The following TMEM178B variants were observed in gnomAD, a reference collection of about 807,000 sequenced individuals.
The protein encoded by TMEM178B is transmembrane protein 178B.
TMEM178B carries 5 observed loss-of-function variants against 31.0 expected under a neutral mutation model. The observed-to-expected ratio is 0.16, with a 90% CI of 0.08 to 0.34. The LOEUF is 0.34. TMEM178B is among the 10% of genes least tolerant of loss of function. The pLI is 1.00. For missense variants in TMEM178B, 275 were observed against 400.3 expected (o/e 0.69, Z 2.67); for synonymous variants, 164 against 164.0 (o/e 1.00, Z 0.00).
chr7:141,501,363 C>T, the TMEM178B span, among the ~76,000 whole-genome samples: 1 of 151,706 alleles, frequency 6.6e-6, no homozygotes, highest in East Asian at 1.9e-4. Context: ...GCACGTACTA[C>T]CACCAAGAAC....
chr7:141,085,527 GGTCATC>G (rs373514070), intron 1 of TMEM178B, among the ~76,000 whole-genome samples: 1,339 of 104,516 alleles, frequency 0.013, 18 homozygotes, highest in African/African-American at 0.035. Context: ...CTTTATATTA[GGTCATC>G]GTCATGCATT....
chr7:141,220,613 G>A (rs1797242843), intron 2 of TMEM178B, among the ~76,000 whole-genome samples: 2 of 152,234 alleles, frequency 1.3e-5, no homozygotes, highest in South Asian at 4.1e-4. Context: ...CAAAACCTAA[G>A]AACCACTGTG....
intron 1 of TMEM178B, among the ~76,000 whole-genome samples, chr7:141,137,253 C>T (rs1321140836): frequency 6.6e-6 from 1 of 152,132 alleles, no homozygotes; most frequent in South Asian, 2.1e-4. Flanking sequence ...CAAAGGGATA[C>T]CTGCACCCCT....
intron 3 of TMEM178B, among the ~76,000 whole-genome samples, chr7:141,439,013 A>G (rs555824016): frequency 6.6e-6 from 1 of 152,288 alleles, no homozygotes; most frequent in Admixed American, 6.5e-5. Context: ...GTGAGCCACC[A>G]GGCTCTGGGT....
At chr7:141,263,795 A>G (rs1487718183) in intron 2 of TMEM178B, among the ~76,000 whole-genome samples, 4 of 152,172 alleles carry the variant, frequency 2.6e-5, no homozygotes, top group Non-Finnish European at 4.4e-5. Flanking sequence ...CTCTGACACC[A>G]ATTGTAGATT....
At chr7:141,408,075 T>G (rs770493520) in intron 2 of TMEM178B, among the ~76,000 whole-genome samples, 1 of 152,200 alleles carries the variant, frequency 6.6e-6, no homozygotes, top group Non-Finnish European at 1.5e-5. Flanking sequence ...CCCTGCATTT[T>G]CTGACACTGA....
At chr7:141,314,058 G>T (rs1048496247) in intron 2 of TMEM178B, among the ~76,000 whole-genome samples, 7 of 152,212 alleles carry the variant, frequency 4.6e-5, no homozygotes, top group African/African-American at 7.2e-5. Flanking sequence ...AGCCGTTTCA[G>T]CCTCTGCCTC....
intron 2 of TMEM178B, among the ~76,000 whole-genome samples, chr7:141,361,973 C>T (rs914821594): frequency 6.6e-6 from 1 of 152,214 alleles, no homozygotes; most frequent in African/African-American, 2.4e-5. Context: ...TTCAAACTCA[C>T]CCTTCTTGGA....
chr7:141,267,294 C>T (rs933650702), intron 2 of TMEM178B, among the ~76,000 whole-genome samples: 2 of 152,190 alleles, frequency 1.3e-5, no homozygotes, highest in African/African-American at 4.8e-5. Flanking sequence ...TTGTTAAATT[C>T]GTTCTCACTA....
At chr7:141,407,065 A>G (rs1800897647) in intron 2 of TMEM178B, among the ~76,000 whole-genome samples, 1 of 152,250 alleles carries the variant, frequency 6.6e-6, no homozygotes, top group South Asian at 2.1e-4. Flanking sequence ...CCAGTCCCAT[A>G]CAGGAATACC....
intron 2 of TMEM178B, among the ~76,000 whole-genome samples, chr7:141,247,988 T>G (rs1036021654): frequency 1.3e-5 from 2 of 152,002 alleles, no homozygotes; most frequent in Non-Finnish European, 2.9e-5. Context: ...CCCTGTCACG[T>G]GTCACTCAAT....
the TMEM178B span, among the ~76,000 whole-genome samples, chr7:141,506,320 C>T: frequency 6.6e-5 from 10 of 152,242 alleles, no homozygotes; most frequent in African/African-American, 1.4e-4. Flanking sequence ...TGTTTTCACA[C>T]TGCTAATAAA....
At chr7:141,405,020 C>A (rs900804643) in intron 2 of TMEM178B, among the ~76,000 whole-genome samples, 1 of 152,222 alleles carries the variant, frequency 6.6e-6, no homozygotes, top group Non-Finnish European at 1.5e-5. Context: ...TTAGGCCCTA[C>A]CCTCTCTCTC....
intron 2 of TMEM178B, among the ~76,000 whole-genome samples, chr7:141,287,015 G>A (rs548721381): frequency 6.6e-6 from 1 of 152,198 alleles, no homozygotes; most frequent in African/African-American, 2.4e-5. Context: ...AGGATCCTTG[G>A]GAGAAGTCTC....
chr7:141,183,366 T>G (rs887500507), intron 1 of TMEM178B, among the ~76,000 whole-genome samples: 7 of 152,188 alleles, frequency 4.6e-5, no homozygotes, highest in Admixed American at 4.6e-4. Flanking sequence ...GGAAATTAAT[T>G]TGGTAAGTGG....
chr7:141,228,389 C>CT (rs548815227), intron 2 of TMEM178B, among the ~76,000 whole-genome samples: 47 of 144,384 alleles, frequency 3.3e-4, no homozygotes, highest in Admixed American at 3.5e-4. Context: ...TTTCTTCTTT[C>CT]TTTTTTTTTT....
intron 3 of TMEM178B, among the ~76,000 whole-genome samples, chr7:141,458,659 C>T (rs1004046680): frequency 6.6e-6 from 1 of 152,104 alleles, no homozygotes; most frequent in African/African-American, 2.4e-5. Flanking sequence ...TCTTCAATCT[C>T]ACTTAAAGCT....
intron 2 of TMEM178B, among the ~76,000 whole-genome samples, chr7:141,313,150 G>C (rs575394381): frequency 3.7e-4 from 56 of 152,276 alleles, no homozygotes; most frequent in African/African-American, 1.3e-3. Context: ...TGGAGTCACT[G>C]TTTTAAAAAT....
At chr7:141,286,155 G>A (rs926310211) in intron 2 of TMEM178B, among the ~76,000 whole-genome samples, 6 of 151,894 alleles carry the variant, frequency 4.0e-5, no homozygotes, top group African/African-American at 9.7e-5. Context: ...TAAATCAAAC[G>A]ACTTACATCA....
Sources: gnomAD v4.1 joint callset for allele counts (sites outside exome capture counted in the v4.1 genomes callset) on GRCh38, gnomAD v4.1.1 for gene constraint, MANE v1.5 for transcripts, NCBI Gene and HGNC (gene_info 2026-07-23, HGNC 2026-07-21) for gene names.